The following TSHZ2 variants were observed in gnomAD, a reference collection of about 807,000 sequenced individuals.
TSHZ2 encodes the protein teashirt zinc finger homeobox 2.
TSHZ2 carries 21 observed loss-of-function variants against 74.4 expected under a neutral mutation model. The ratio of observed to expected loss-of-function variants is 0.28; its 90% CI spans 0.20 to 0.41. The LOEUF is 0.41. Among genes scored for constraint, TSHZ2 ranks in the 10% least tolerant of loss-of-function variants. TSHZ2 has a pLI of 1.00. For missense variants in TSHZ2, 1,244 were observed against 1,293.5 expected, an observed-to-expected ratio of 0.96 and a Z score of 0.59; for synonymous variants, 540 against 515.3, an observed-to-expected ratio of 1.05 and a Z score of -0.65.
chr20:53,321,683 CAA>C (rs59907513), intron 2 of TSHZ2, among the ~76,000 whole-genome samples: 6 of 58,302 alleles, frequency 1.0e-4, no homozygotes, highest in East Asian at 5.4e-4. Flanking sequence ...GACTCCATCT[CAA>C]AAAAAAAAAA....
chr20:52,978,543 A>G (rs1449910257), intron 1 of TSHZ2, among the ~76,000 whole-genome samples: 2 of 152,196 alleles, frequency 1.3e-5, no homozygotes, highest in African/African-American at 4.8e-5. Flanking sequence ...AACAAATTCT[A>G]TATTAAGACC....
intron 1 of TSHZ2, among the ~76,000 whole-genome samples, chr20:53,229,012 T>C (rs1989756107): frequency 6.6e-6 from 1 of 152,200 alleles, no homozygotes; most frequent in South Asian, 2.1e-4. Flanking sequence ...TTTTGACCCA[T>C]ACTCGGGAGT....
At chr20:53,185,633 AAAG>A in intron 1 of TSHZ2, 15 of 1,535,982 alleles carry the variant, frequency 9.8e-6, no homozygotes, top group Non-Finnish European at 1.3e-5. Context: ...AAAAGAAAAA[AAAG>A]AAAGAAAAGA....
chr20:53,417,578 T>C (rs939368867), intron 2 of TSHZ2, among the ~76,000 whole-genome samples: 1 of 152,158 alleles, frequency 6.6e-6, no homozygotes, highest in African/African-American at 2.4e-5. Flanking sequence ...ATTACAGGCA[T>C]GAACCACTGC....
chr20:53,228,103 AACAC>A (rs10561638), intron 1 of TSHZ2, among the ~76,000 whole-genome samples: 9,250 of 134,398 alleles, frequency 0.069, 518 homozygotes, highest in African/African-American at 0.16. Context: ...TGGCCCCCAA[AACAC>A]ACACACACAC....
At chr20:52,983,377 A>C (rs535402085) in intron 1 of TSHZ2, among the ~76,000 whole-genome samples, 1 of 152,258 alleles carries the variant, frequency 6.6e-6, no homozygotes, top group East Asian at 1.9e-4. Flanking sequence ...TCTTGCACTT[A>C]ATTGTGTTTT....
intron 1 of TSHZ2, among the ~76,000 whole-genome samples, chr20:53,039,781 A>AACACACACACACACACAC (rs61356112): frequency 1.3e-5 from 2 of 149,590 alleles, no homozygotes; most frequent in Admixed American, 6.6e-5. Flanking sequence ...CTCCATCTCA[A>AACACACACACACACACAC]ACACACACAC....
intron 1 of TSHZ2, among the ~76,000 whole-genome samples, chr20:53,251,756 C>T (rs1990336462): frequency 6.6e-6 from 1 of 152,190 alleles, no homozygotes; most frequent in East Asian, 1.9e-4. Flanking sequence ...ATCATGGGCT[C>T]TTGTCTCCAG....
chr20:53,305,056 C>A (rs915839722), intron 2 of TSHZ2, among the ~76,000 whole-genome samples: 1 of 152,082 alleles, frequency 6.6e-6, no homozygotes, highest in Non-Finnish European at 1.5e-5. Flanking sequence ...CTGCCTCAGC[C>A]TCCCAAGTAG....
intron 1 of TSHZ2, among the ~76,000 whole-genome samples, chr20:53,107,809 G>T (rs1343107639): frequency 6.6e-6 from 1 of 152,088 alleles, no homozygotes; most frequent in Non-Finnish European, 1.5e-5. Context: ...AATATTTGTT[G>T]ATTTGAATTC....
intron 1 of TSHZ2, among the ~76,000 whole-genome samples, chr20:53,163,456 A>AT (rs571826225): frequency 2.2e-4 from 21 of 94,584 alleles, no homozygotes; most frequent in East Asian, 9.8e-4. Flanking sequence ...ATTTTATTTT[A>AT]TTTTTTTTTA....
intron 2 of TSHZ2, among the ~76,000 whole-genome samples, chr20:53,401,774 CT>C (rs59656180): frequency 0.14 from 12,851 of 94,826 alleles, 724 homozygotes; most frequent in African/African-American, 0.33. Flanking sequence ...AACACATTTT[CT>C]TTTTTTTTTT....
chr20:52,994,767 G>A (rs1388193221), intron 1 of TSHZ2, among the ~76,000 whole-genome samples: 3 of 148,558 alleles, frequency 2.0e-5, no homozygotes, highest in Admixed American at 1.3e-4. Context: ...TGCTCACCAC[G>A]ACCTCTAATC....
At chr20:53,027,624 G>A (rs1483787073) in intron 1 of TSHZ2, among the ~76,000 whole-genome samples, 1 of 152,114 alleles carries the variant, frequency 6.6e-6, no homozygotes, top group Admixed American at 6.6e-5. Context: ...AATGAGGATA[G>A]AAGATAGATG....
At chr20:53,006,313 G>A (rs186301052) in intron 1 of TSHZ2, among the ~76,000 whole-genome samples, 6 of 152,308 alleles carry the variant, frequency 3.9e-5, no homozygotes, top group Admixed American at 2.0e-4. Context: ...TTTCCCTAAC[G>A]TTAAGTATTC....
chr20:53,235,312 C>A (rs147547814), intron 1 of TSHZ2, among the ~76,000 whole-genome samples: 1 of 151,632 alleles, frequency 6.6e-6, no homozygotes, highest in African/African-American at 2.4e-5. Flanking sequence ...GGATTACAGG[C>A]GTGGACCACC....
chr20:53,293,996 G>A (rs367755640), intron 2 of TSHZ2, among the ~76,000 whole-genome samples: 60 of 152,206 alleles, frequency 3.9e-4, no homozygotes, highest in African/African-American at 1.3e-3. Flanking sequence ...CCAGCCTGGC[G>A]ACAGAGCGAG....
chr20:53,145,516 G>A (rs1987518723), intron 1 of TSHZ2, among the ~76,000 whole-genome samples: 1 of 152,196 alleles, frequency 6.6e-6, no homozygotes, highest in Non-Finnish European at 1.5e-5. Context: ...GGAAGGGAAG[G>A]ATGTTAATGA....
chr20:53,174,643 G>T (rs2123493016), intron 1 of TSHZ2, among the ~76,000 whole-genome samples: 1 of 152,316 alleles, frequency 6.6e-6, no homozygotes, highest in Non-Finnish European at 1.5e-5. Context: ...TCAAGGCTTA[G>T]CTATCATGAC....
Sources: gnomAD v4.1 joint callset for allele counts (sites outside exome capture counted in the v4.1 genomes callset) on GRCh38, gnomAD v4.1.1 for gene constraint, MANE v1.5 for transcripts, NCBI Gene and HGNC (gene_info 2026-07-23, HGNC 2026-07-21) for gene names.